The following AGMO variants were observed in gnomAD, a reference collection of about 807,000 sequenced individuals.
AGMO encodes alkylglycerol monooxygenase, also known as glyceryl-ether monooxygenase.
AGMO carries 75 observed loss-of-function variants against 60.2 expected under a neutral mutation model. The ratio of observed to expected loss-of-function variants is 1.25; its 90% CI spans 1.03 to 1.51. The LOEUF (loss-of-function observed/expected upper bound fraction) is 1.51. Ranked by LOEUF, AGMO falls within the 40% of genes most tolerant of loss-of-function variation. The pLI, the probability that AGMO is intolerant of heterozygous loss-of-function variation, is 0.00. For missense variants in AGMO, 763 were observed against 525.5 expected (o/e 1.45, Z -4.42); for synonymous variants, 261 against 177.1 (o/e 1.47, Z -3.76).
chr7:15,552,276 C>T (rs1185912449), intron 2 of AGMO, among the ~76,000 whole-genome samples: 1 of 152,044 alleles, frequency 6.6e-6, no homozygotes, highest in Admixed American at 6.6e-5. Context: ...ACTTCATGTC[C>T]AAAACACCAA....
intron 12 of AGMO, among the ~76,000 whole-genome samples, chr7:15,209,728 G>A (rs1199582103): frequency 6.6e-6 from 1 of 152,128 alleles, no homozygotes; most frequent in Non-Finnish European, 1.5e-5. Flanking sequence ...ACAGAGTCTT[G>A]ACTGATGGGA....
intron 12 of AGMO, among the ~76,000 whole-genome samples, chr7:15,316,433 A>G (rs930341216): frequency 6.6e-6 from 1 of 152,160 alleles, no homozygotes; most frequent in Non-Finnish European, 1.5e-5. Context: ...GACTCAGAAC[A>G]AAGTACTCAT....
At chr7:15,134,440 C>T in the AGMO span, among the ~76,000 whole-genome samples, 1 of 152,050 alleles carries the variant, frequency 6.6e-6, no homozygotes, top group Non-Finnish European at 1.5e-5. Context: ...GTTTTCAACC[C>T]TCACTCTCCT....
chr7:15,181,538 G>A, the AGMO span, among the ~76,000 whole-genome samples: 35 of 151,784 alleles, frequency 2.3e-4, no homozygotes, highest in African/African-American at 7.5e-4. Flanking sequence ...TTCTATTTTT[G>A]TTCTAGATAC....
chr7:15,154,980 G>C, the AGMO span, among the ~76,000 whole-genome samples: 1 of 152,086 alleles, frequency 6.6e-6, no homozygotes, highest in Non-Finnish European at 1.5e-5. Context: ...TTACCCTGAT[G>C]GGGTTCTCTT....
At chr7:15,118,349 A>T in the AGMO span, among the ~76,000 whole-genome samples, 2 of 152,002 alleles carry the variant, frequency 1.3e-5, no homozygotes, top group Non-Finnish European at 2.9e-5. Context: ...CTTTTAGGGG[A>T]GATTATAGTT....
At position 15,471,419 on chromosome 7, in the gene AGMO, A is replaced by G. The variant is rs142649509; in HGVS notation, c.410-40311T>C. Among the ~76,000 whole-genome samples, 110 of 152,070 alleles carry G rather than the reference A, an allele frequency of 7.2e-4. 1 individual carries two copies. Among genetic ancestry groups the G allele is most frequent in the East Asian group, 3.3e-3 (17 of 5,176 alleles). ...CTCTTATAAGCATATTCCATTCTCT[A>G]TAACTATAAAAATGAGATCATTACC... On this transcript the variant is annotated intron_variant, in intron 3 of 12. Coordinates refer to ENST00000342526, the MANE Select transcript of AGMO (RefSeq NM_001004320.2).
At chr7:15,233,828 G>C (rs367547769) in intron 12 of AGMO, among the ~76,000 whole-genome samples, 1 of 152,140 alleles carries the variant, frequency 6.6e-6, no homozygotes. Context: ...GAGGCGCGTG[G>C]ATCACGAGGT....
the AGMO span, among the ~76,000 whole-genome samples, chr7:15,142,878 G>A: frequency 6.6e-6 from 1 of 152,232 alleles, no homozygotes; most frequent in East Asian, 1.9e-4. Context: ...TAAGAAACTT[G>A]CAGTTGTTAT....
rs1018637613 is a variant in AGMO, at chr7:15,229,338, G to C, written c.1264-27979C>G. ...TTCACACAGTGTTCATACTACTAGGGATAATATATTTAAGATGAAAGGTGG... is the reference window on the plus strand; with the variant it reads ...TTCACACAGTGTTCATACTACTAGGCATAATATATTTAAGATGAAAGGTGG... On this transcript the variant is annotated intron_variant, in intron 12 of 12. Transcript: ENST00000342526. Among the ~76,000 whole-genome samples, 4 of 151,662 alleles carry C rather than the reference G, an allele frequency of 2.6e-5. No individual in the cohort carries two copies. The South Asian group carries it at 8.3e-4, about 31-fold the overall frequency.
intron 12 of AGMO, among the ~76,000 whole-genome samples, chr7:15,259,795 A>G (rs10257252): frequency 6.7e-6 from 1 of 150,164 alleles, no homozygotes; most frequent in Admixed American, 6.7e-5. Flanking sequence ...AGAATTTTGT[A>G]TCCAGCAAAA....
chr7:15,516,074 C>A (rs377247813), intron 3 of AGMO, among the ~76,000 whole-genome samples: 1 of 152,072 alleles, frequency 6.6e-6, no homozygotes. Context: ...TAAATTAGCT[C>A]AACTGAGCCA....
At chr7:15,188,578 G>A in the AGMO span, among the ~76,000 whole-genome samples, 1 of 152,160 alleles carries the variant, frequency 6.6e-6, no homozygotes, top group African/African-American at 2.4e-5. Flanking sequence ...AGTATAATGA[G>A]ACTGGGTGAT....
rs575789116 is a variant in AGMO, at chr7:15,461,163, A to G, written c.410-30055T>C. Reference sequence around the variant, plus strand: ...CATGAAACATAAAGTTATTGCTTCAAAGTAATTAGAAATATCTGCCACCCA... The same window carrying G: ...CATGAAACATAAAGTTATTGCTTCAGAGTAATTAGAAATATCTGCCACCCA... On this transcript the variant is annotated intron_variant, in intron 3 of 12. Coordinates refer to ENST00000342526, the MANE Select transcript of AGMO (RefSeq NM_001004320.2). Among the ~76,000 whole-genome samples, 17 of 152,236 alleles carry G rather than the reference A, an allele frequency of 1.1e-4. No individual in the cohort carries two copies. The South Asian group carries it at 3.3e-3, about 30-fold the overall frequency.
intron 3 of AGMO, among the ~76,000 whole-genome samples, chr7:15,486,969 C>T (rs916599297): frequency 1.3e-4 from 20 of 152,164 alleles, no homozygotes; most frequent in Non-Finnish European, 2.8e-4. Context: ...AACCAACAGG[C>T]GCATCCTCCA....
At chr7:15,233,801 C>T (rs1704724553) in intron 12 of AGMO, among the ~76,000 whole-genome samples, 1 of 152,102 alleles carries the variant, frequency 6.6e-6, no homozygotes, top group Non-Finnish European at 1.5e-5. Context: ...CCTGTAATCC[C>T]AGCATTTTGG....
intron 12 of AGMO, among the ~76,000 whole-genome samples, chr7:15,354,413 T>TGTGTATAGAC (rs1563105407): frequency 0.014 from 375 of 27,530 alleles, 25 homozygotes; most frequent in Non-Finnish European, 0.015. Context: ...TGTACACACG[T>TGTGTATAGAC]GTGTGTATAC....
chr7:15,501,760 G>A (rs1287337223), intron 3 of AGMO, among the ~76,000 whole-genome samples: 1 of 151,808 alleles, frequency 6.6e-6, no homozygotes, highest in Non-Finnish European at 1.5e-5. Flanking sequence ...AAGCTACATA[G>A]CAGGAGAAAA....
At chr7:15,208,797 T>C (rs770649576) in intron 12 of AGMO, among the ~76,000 whole-genome samples, 1 of 152,206 alleles carries the variant, frequency 6.6e-6, no homozygotes, top group Non-Finnish European at 1.5e-5. Flanking sequence ...ACGCCTAACA[T>C]TGGCACAAAA....
Sources: allele counts gnomAD v4.1 joint callset (sites outside exome capture counted in the v4.1 genomes callset), GRCh38; gene constraint gnomAD v4.1.1; transcripts MANE v1.5; gene names NCBI Gene and HGNC (gene_info 2026-07-23, HGNC 2026-07-21).